The following XG variants were observed in gnomAD, a reference collection of about 807,000 sequenced individuals.
XG encodes Xg glycoprotein (Xg blood group).
In XG, 24 loss-of-function variants were observed where a neutral mutation model predicts 25.7. The ratio of observed to expected loss-of-function variants is 0.93; its 90% CI spans 0.68 to 1.31. The LOEUF is 1.31. XG is among the 40% of genes most tolerant of loss of function. The pLI is 0.00. For synonymous variants in XG, 77 were observed against 69.2 expected, an observed-to-expected ratio of 1.11 and a Z score of -0.56; for missense variants, 181 against 187.6, an observed-to-expected ratio of 0.96 and a Z score of 0.21.
At chrX:2,773,896 A>G (rs35007630) in intron 2 of XG, among the ~76,000 whole-genome samples, 5,883 of 151,530 alleles carry the variant, frequency 0.039, 381 homozygotes, top group African/African-American at 0.14. Context: ...AGGAAGGAGA[A>G]AAGGTGATGA....
At chrX:2,808,838 C>T (rs2087028532) in intron 9 of XG, among the ~76,000 whole-genome samples, 1 of 111,539 alleles carries the variant, frequency 9.0e-6, no homozygotes, top group Admixed American at 9.6e-5. Flanking sequence ...TGAAGGTGAC[C>T]TCTACCTTTC....
intron 10 of XG, among the ~76,000 whole-genome samples, chrX:2,812,671 C>G (rs61707085): frequency 8.9e-6 from 1 of 111,888 alleles, no homozygotes; most frequent in Admixed American, 9.5e-5. Context: ...GTCTACATTA[C>G]GCCCCGTCCT....
chrX:2,752,217 G>T lies in XG; in HGVS notation c.-58G>T. 6.2e-7 allele frequency: 1 copy of T among 1,612,336 alleles called. No homozygotes were observed. On this transcript the variant is annotated 5_prime_UTR_variant, in exon 1 of 11. Transcript: ENST00000644266. ...AACAACAGGAGGGTGGAGAGGCCGG[G>T]TCTCACAATCCGCTTGGCTGGGGAG...
Position 2,766,731 on chromosome X carries a change from AT to A in XG, c.62-3812del, listed in dbSNP as rs1174653937. On this transcript the variant is annotated intron_variant, in intron 1 of 10. Coordinates refer to ENST00000644266, the MANE Select transcript of XG (RefSeq NM_001141919.2). ...AGGCGCCCGCCACCACACCCGGCTA[AT>A]TTTTTTGTATTTTTACTAGAGACGG... is the stretch of plus-strand genomic sequence containing the variant. 2.3e-3 allele frequency among the ~76,000 whole-genome samples: 343 copies of A among 146,846 alleles called. 1 individual carries two copies. Among genetic ancestry groups the A allele is most frequent in the African/African-American group, 7.9e-3 (314 of 39,750 alleles).
Position 2,774,084 on chromosome X carries a change from C to T in XG, c.104-632C>T, listed in dbSNP as rs567357506. Reference sequence around the variant, plus strand: ...GTTATGTAAACCATGCTTTCAAATACGGTGTTTCCTCTGTTTGGAAGAAGT... The same window carrying T: ...GTTATGTAAACCATGCTTTCAAATATGGTGTTTCCTCTGTTTGGAAGAAGT... On this transcript the variant is annotated intron_variant, in intron 2 of 10. Coordinates refer to ENST00000644266, the MANE Select transcript of XG (RefSeq NM_001141919.2). 9.4e-4 allele frequency among the ~76,000 whole-genome samples: 143 copies of T among 152,230 alleles called. 3 individuals carry two copies. In the South Asian group the frequency reaches 0.026, roughly 27 times the overall value.
In XG at chrX:2,758,230, G is replaced by A. The variant is rs35765944; in HGVS notation, c.61+5895G>A. Among the ~76,000 whole-genome samples the A allele has an allele frequency of 6.6e-4, 101 of 152,220 alleles. 1 individual carries two copies. The South Asian group carries it at 7.9e-3, about 12-fold the overall frequency. On this transcript the variant is annotated intron_variant, in intron 1 of 10. Transcript: ENST00000644266. ...TTTCCCTGCCATTGTCACCTGGAGC[G>A]TGTAGCCATTTCGTGCAGTGATTCT...
intron 1 of XG, among the ~76,000 whole-genome samples, chrX:2,766,849 G>C (rs1038125690): frequency 6.6e-6 from 1 of 152,164 alleles, no homozygotes; most frequent in Non-Finnish European, 1.5e-5. Context: ...ACAGGTGTGA[G>C]CCACCGCGCC....
rs141054625 is a variant in XG at position 2,758,814 on chromosome X, G to C, written c.61+6479G>C. Among the ~76,000 whole-genome samples, 500 of 152,282 alleles carry C rather than the reference G, an allele frequency of 3.3e-3. 2 individuals carry two copies. Among genetic ancestry groups the C allele is most frequent in the African/African-American group, 0.012 (478 of 41,556 alleles). Reference sequence around the variant, plus strand: ...GCTGAGGAATCTTGCCTTAGCATGAGAGATCCTGTCTGTCTGTCTGCCTAT... The same window carrying C: ...GCTGAGGAATCTTGCCTTAGCATGACAGATCCTGTCTGTCTGTCTGCCTAT... On this transcript the variant is annotated intron_variant, in intron 1 of 10. Coordinates refer to ENST00000644266, the MANE Select transcript of XG (RefSeq NM_001141919.2).
chrX:2,795,470 CTTTTATATATACAT>C (rs1404570454), intron 6 of XG, among the ~76,000 whole-genome samples: 1 of 101,503 alleles, frequency 9.9e-6, no homozygotes, highest in African/African-American at 3.8e-5. Flanking sequence ...TATATATACA[CTTTTATATATACAT>C]ATGTGTATAT....
intron 2 of XG, among the ~76,000 whole-genome samples, chrX:2,774,008 C>G (rs1280231282): frequency 2.0e-5 from 3 of 149,682 alleles, no homozygotes; most frequent in South Asian, 2.1e-4. Context: ...AATGTCCGCA[C>G]CACACACAAA....
At chrX:2,759,423 C>A (rs1460892504) in intron 1 of XG, among the ~76,000 whole-genome samples, 1 of 151,828 alleles carries the variant, frequency 6.6e-6, no homozygotes, top group East Asian at 1.9e-4. Context: ...TATAGTTGTC[C>A]TGTACAGTAT....
At chrX:2,782,027 ATTTTC>A (rs769350355) in intron 3 of XG, 34 bp from the exon 4 acceptor site, 12 of 1,188,762 alleles carry the variant, frequency 1.0e-5, no homozygotes, top group African/African-American at 7.1e-5. Context: ...GGGAAGGACA[ATTTTC>A]TTTTCTAACA....
chrX:2,759,835 C>A (rs1329334985), intron 1 of XG, among the ~76,000 whole-genome samples: 1 of 152,196 alleles, frequency 6.6e-6, no homozygotes, highest in African/African-American at 2.4e-5. Flanking sequence ...CCTGGGGATT[C>A]CCCCGATGGA....
At chrX:2,792,665 G>A (rs1479231887) in intron 5 of XG, among the ~76,000 whole-genome samples, 2 of 108,732 alleles carry the variant, frequency 1.8e-5, no homozygotes, top group Non-Finnish European at 3.8e-5. Context: ...CTCTCAAAGT[G>A]CTGGGATTAC....
chrX:2,802,206 C>A (rs2086951021), intron 7 of XG, among the ~76,000 whole-genome samples: 1 of 110,626 alleles, frequency 9.0e-6, no homozygotes, highest in Admixed American at 9.6e-5. Flanking sequence ...CCAGGCTGGA[C>A]TGCAGTGGTG....
chrX:2,774,093 C>T (rs180839674), intron 2 of XG, among the ~76,000 whole-genome samples: 16 of 152,230 alleles, frequency 1.1e-4, no homozygotes, highest in Admixed American at 2.6e-4. Context: ...ACGGTGTTTC[C>T]TCTGTTTGGA....
intron 2 of XG, 68 bp from the exon 3 acceptor site, chrX:2,774,648 T>C: frequency 6.3e-7 from 1 of 1,575,256 alleles, no homozygotes; most frequent in Non-Finnish European, 8.7e-7. Flanking sequence ...AGGGCGTTCA[T>C]GGCCTTTCTT....
At chrX:2,797,258 C>T in intron 6 of XG, 52 bp from the exon 7 acceptor site, 1 of 1,185,370 alleles carries the variant, frequency 8.4e-7, no homozygotes, top group Non-Finnish European at 1.1e-6. Flanking sequence ...TGCAGGAAAC[C>T]CCACGCTCAG....
intron 3 of XG, among the ~76,000 whole-genome samples, chrX:2,777,291 A>C (rs2051020561): frequency 6.6e-6 from 1 of 152,272 alleles, no homozygotes; most frequent in African/African-American, 2.4e-5. Flanking sequence ...GAGTAAAAGT[A>C]GTTAGATATT....
Sources: allele counts gnomAD v4.1 joint callset (sites outside exome capture counted in the v4.1 genomes callset), GRCh38; gene constraint gnomAD v4.1.1; transcripts MANE v1.5; gene names NCBI Gene and HGNC (gene_info 2026-07-23, HGNC 2026-07-21).